The following ARHGEF37 variants were observed in gnomAD, a reference collection of about 807,000 sequenced individuals.
ARHGEF37 encodes Rho guanine nucleotide exchange factor 37.
In ARHGEF37, 55 loss-of-function variants were observed where a neutral mutation model predicts 71.1. The ratio of observed to expected loss-of-function variants is 0.77; its 90% CI spans 0.62 to 0.97. The LOEUF is 0.97. ARHGEF37 is among the 50% of genes least tolerant of loss of function. The pLI is 0.00. For missense variants in ARHGEF37, 765 were observed against 836.8 expected, an observed-to-expected ratio of 0.91 and a Z score of 1.06; for synonymous variants, 327 against 350.6, an observed-to-expected ratio of 0.93 and a Z score of 0.75.
At chr5:149,624,411 AAATTAGACGTAATGATGG>A (rs1561809273) in intron 10 of ARHGEF37, among the ~76,000 whole-genome samples, 1 of 152,234 alleles carries the variant, frequency 6.6e-6, no homozygotes, top group Non-Finnish European at 1.5e-5. Context: ...ATATTAAGTG[AAATTAGACGTAATGATGG>A]GCAACTGGCA....
chr5:149,575,266 T>A (rs1763012749), intron 1 of ARHGEF37, among the ~76,000 whole-genome samples: 1 of 152,270 alleles, frequency 6.6e-6, no homozygotes, highest in African/African-American at 2.4e-5. Context: ...GTAAGAAATG[T>A]TTCTTTACAG....
intron 9 of ARHGEF37, among the ~76,000 whole-genome samples, chr5:149,623,582 G>A (rs1349678272): frequency 6.6e-6 from 1 of 152,232 alleles, no homozygotes; most frequent in Non-Finnish European, 1.5e-5. Flanking sequence ...CCAGTAGAGA[G>A]GTGGTCACGT....
chr5:149,597,194 G>T (rs541332135), intron 1 of ARHGEF37, among the ~76,000 whole-genome samples: 1 of 152,172 alleles, frequency 6.6e-6, no homozygotes, highest in East Asian at 1.9e-4. Context: ...GGAAATAGAA[G>T]AAAAGCCAGG....
At chr5:149,595,822 G>A (rs1026341371) in intron 1 of ARHGEF37, among the ~76,000 whole-genome samples, 1 of 152,106 alleles carries the variant, frequency 6.6e-6, no homozygotes, top group Non-Finnish European at 1.5e-5. Context: ...CATTGATTTG[G>A]ACCTAAACCC....
rs1351794498 is a variant in ARHGEF37 at position 149,616,571 on chromosome 5, C to T, written c.463C>T (p.Gln155Ter). 1 of 1,606,250 alleles carries T rather than the reference C, an allele frequency of 6.2e-7. No individual in the cohort carries two copies. The highest frequency in any genetic ancestry group is 8.5e-7 in the Non-Finnish European group (1 of 1,175,660). The change falls in exon 5 of 13, where the codon CAA becomes TAA. Residue 155 changes from glutamine to a stop codon, truncating the protein, a stop_gained. Coordinates refer to ENST00000333677, the MANE Select transcript of ARHGEF37 (RefSeq NM_001001669.3). LOFTEE classifies it high-confidence loss of function. ...AATACCAGCCTTCTCCCTCAGGCCGCAAGCTGGATCTTCAGGCCTCAGTTT... is the reference window on the plus strand; with the variant it reads ...AATACCAGCCTTCTCCCTCAGGCCGTAAGCTGGATCTTCAGGCCTCAGTTT... ...IQGIVEAVVP[Q>*]AGSSGLSFLL...
intron 12 of ARHGEF37, among the ~76,000 whole-genome samples, chr5:149,631,166 T>A (rs1444610972): frequency 3.4e-5 from 5 of 147,816 alleles, no homozygotes; most frequent in African/African-American, 1.0e-4. Flanking sequence ...CTTCCTTCCT[T>A]CCTTTCTTTT....
chr5:149,603,094 G>A (rs1015208976), intron 3 of ARHGEF37, among the ~76,000 whole-genome samples: 4 of 151,930 alleles, frequency 2.6e-5, no homozygotes, highest in African/African-American at 7.2e-5. Context: ...CACCACACCC[G>A]GTTAATTTTT....
chr5:149,612,005 A>G (rs1263022527), intron 4 of ARHGEF37, among the ~76,000 whole-genome samples: 1 of 152,206 alleles, frequency 6.6e-6, no homozygotes, highest in African/African-American at 2.4e-5. Context: ...CACCACTACT[A>G]AAAGATATAA....
intron 1 of ARHGEF37, among the ~76,000 whole-genome samples, chr5:149,553,833 C>CCG (rs1283468221): frequency 1.3e-5 from 2 of 152,062 alleles, no homozygotes; most frequent in Admixed American, 6.6e-5. Context: ...TAAAAAGGTG[C>CCG]CGATGGTAGA....
At chr5:149,626,186 C>T (rs1342504158) in intron 10 of ARHGEF37, among the ~76,000 whole-genome samples, 1 of 151,132 alleles carries the variant, frequency 6.6e-6, no homozygotes, top group African/African-American at 2.4e-5. Context: ...GCATCTCTGC[C>T]TGCCTCCCCA....
In ARHGEF37 at chr5:149,632,191, G is replaced by C. The variant is rs369054820; in HGVS notation, c.2028G>C (p.Ter676TyrextTer11). 7.4e-6 allele frequency: 12 copies of C among 1,613,732 alleles called. No homozygotes were observed. In the African/African-American group the frequency reaches 8.0e-5, roughly 11 times the overall value. The change falls in exon 13 of 13, where the codon TAG (stop) becomes TAC (tyrosine). Residue 676 changes from the stop codon to tyrosine, a stop_lost. Coordinates refer to ENST00000333677, the MANE Select transcript of ARHGEF37 (RefSeq NM_001001669.3). ...PVLWGWSLPS[*>Y] ...TGTGGGGCTGGAGTCTGCCCTCTTA[G>C]GGTACCCTCTTTGGAGCCTACATTG...
intron 10 of ARHGEF37, among the ~76,000 whole-genome samples, chr5:149,625,364 A>G (rs1752655204): frequency 6.6e-6 from 1 of 152,210 alleles, no homozygotes. Flanking sequence ...CCTGGATCTG[A>G]GAAATTGAAA....
intron 1 of ARHGEF37, among the ~76,000 whole-genome samples, chr5:149,597,367 T>C (rs1763578251): frequency 1.3e-5 from 2 of 152,122 alleles, no homozygotes; most frequent in African/African-American, 4.8e-5. Flanking sequence ...AAGTGATTCT[T>C]CTGCCTCAGC....
intron 1 of ARHGEF37, among the ~76,000 whole-genome samples, chr5:149,583,354 T>G (rs1763155120): frequency 6.6e-6 from 1 of 152,214 alleles, no homozygotes; most frequent in Non-Finnish European, 1.5e-5. Context: ...CCAGGCTGAT[T>G]GCAAACTCCT....
chr5:149,627,848 A>G (rs1370991804), intron 11 of ARHGEF37, among the ~76,000 whole-genome samples: 1 of 152,168 alleles, frequency 6.6e-6, no homozygotes, highest in African/African-American at 2.4e-5. Flanking sequence ...TGTGACCCAC[A>G]ATATGAGGGG....
chr5:149,608,797 A>G (rs1046723705), intron 3 of ARHGEF37, among the ~76,000 whole-genome samples: 2 of 152,186 alleles, frequency 1.3e-5, no homozygotes, highest in Non-Finnish European at 2.9e-5. Flanking sequence ...CTGGAATCCA[A>G]GCTCACACTG....
At chr5:149,562,272 A>AGT (rs1011604725) in intron 1 of ARHGEF37, among the ~76,000 whole-genome samples, 15 of 152,122 alleles carry the variant, frequency 9.9e-5, no homozygotes, top group African/African-American at 3.6e-4. Context: ...AAGCATAAAA[A>AGT]GTCAGTTTGT....
At position 149,615,614 on chromosome 5, in the gene ARHGEF37, G is replaced by A. The variant is rs567711816; in HGVS notation, c.459-953G>A. 2.1e-3 allele frequency among the ~76,000 whole-genome samples: 312 copies of A among 151,834 alleles called. 1 individual carries two copies. The highest frequency in any genetic ancestry group is 3.7e-3 in the Non-Finnish European group (249 of 67,940). On this transcript the variant is annotated intron_variant, in intron 4 of 12. Coordinates refer to ENST00000333677, the MANE Select transcript of ARHGEF37 (RefSeq NM_001001669.3). The stretch of plus-strand genomic sequence containing the variant: ...GATTTTAAGAACATTTTTTTTGGTC[G>A]GGTGTGGTGGCTCACACCTGTAATT...
chr5:149,609,799 T>C (rs2113343535), intron 4 of ARHGEF37, 104 bp downstream of exon 4: 2 of 1,483,698 alleles, frequency 1.3e-6, no homozygotes, highest in Non-Finnish European at 1.8e-6. Context: ...GCTTCACGAG[T>C]GTTGCTCTGT....
Sources: allele counts gnomAD v4.1 joint callset (sites outside exome capture counted in the v4.1 genomes callset), GRCh38; gene constraint gnomAD v4.1.1; transcripts MANE v1.5; gene names NCBI Gene and HGNC (gene_info 2026-07-23, HGNC 2026-07-21).